The following ARMH4 variants were observed in gnomAD, a reference collection of about 807,000 sequenced individuals.
The protein encoded by ARMH4 is armadillo-like helical domain-containing protein 4.
ARMH4 carries 49 observed loss-of-function variants against 61.9 expected under a neutral mutation model. The ratio of observed to expected loss-of-function variants is 0.79; its 90% CI spans 0.63 to 1.00. The LOEUF (loss-of-function observed/expected upper bound fraction) is 1.00. ARMH4 is among the 50% of genes least tolerant of loss of function. The pLI, the probability that ARMH4 is intolerant of heterozygous loss-of-function variation, is 0.00. For missense variants in ARMH4, 934 were observed against 930.0 expected, an observed-to-expected ratio of 1.00 and a Z score of -0.06; for synonymous variants, 368 against 341.5, an observed-to-expected ratio of 1.08 and a Z score of -0.85.
chr14:58,103,386 C>T (rs926475935), intron 4 of ARMH4, among the ~76,000 whole-genome samples: 3 of 152,128 alleles, frequency 2.0e-5, no homozygotes, highest in Admixed American at 1.3e-4. Flanking sequence ...TGGGCTCATG[C>T]TCTTCTGCTC....
chr14:58,136,546 A>G lies in ARMH4; in HGVS notation c.1369+1444T>C, dbSNP rs551616452. ...AAATGAATTAGACATGTAAAATTCA[A>G]TCTTTCTTTTGTCATTTATCAAGTG... is the stretch of plus-strand genomic sequence containing the variant. On this transcript the variant is annotated intron_variant, in intron 2 of 7. Transcript: ENST00000267485. Among the ~76,000 whole-genome samples, 6 of 152,324 alleles carry G rather than the reference A, an allele frequency of 3.9e-5. No homozygotes were observed. The South Asian group carries it at 6.2e-4, about 16-fold the overall frequency.
intron 4 of ARMH4, among the ~76,000 whole-genome samples, chr14:58,114,925 A>G (rs1013987447): frequency 1.3e-5 from 2 of 152,122 alleles, no homozygotes; most frequent in Non-Finnish European, 2.9e-5. Context: ...AACTTTCACT[A>G]TGTACAAAAA....
Position 58,138,247 on chromosome 14 carries a change from T to C in ARMH4, c.1112A>G (p.Glu371Gly), listed in dbSNP as rs777027317. The C allele has an allele frequency of 1.4e-5, 22 of 1,614,236 alleles. No individual in the cohort carries two copies. The highest frequency in any genetic ancestry group is 1.9e-5 in the Non-Finnish European group (22 of 1,180,044). The change falls in exon 2 of 8, where the codon GAA becomes GGA. Residue 371 changes from glutamate (E) to glycine (G), a missense_variant. Transcript: ENST00000267485. ...GGCTGTGCCCGTGTGTGTTTCCCCT[T>C]CAGGCAGCCCCAGAGCCACCTGTGC... ...EAAQVALGLP[E>G]GETHTGTALL...
At chr14:58,048,035 T>C (rs1431177512) in intron 5 of ARMH4, among the ~76,000 whole-genome samples, 1 of 152,148 alleles carries the variant, frequency 6.6e-6, no homozygotes, top group Non-Finnish European at 1.5e-5. Context: ...GCCTTGGGTA[T>C]GATAGGGAGG....
At chr14:58,089,189 G>A (rs1178730705) in intron 5 of ARMH4, among the ~76,000 whole-genome samples, 1 of 152,122 alleles carries the variant, frequency 6.6e-6, no homozygotes, top group Admixed American at 6.6e-5. Context: ...TGGCAGCTTC[G>A]AGCAAACCTT....
intron 5 of ARMH4, among the ~76,000 whole-genome samples, chr14:58,076,269 A>C (rs189704844): frequency 2.6e-5 from 4 of 152,354 alleles, no homozygotes; most frequent in Non-Finnish European, 5.9e-5. Context: ...ATGTGCCTGG[A>C]AAACACTGTG....
chr14:58,103,762 T>C (rs1045180182), intron 4 of ARMH4, among the ~76,000 whole-genome samples: 13 of 152,204 alleles, frequency 8.5e-5, no homozygotes, highest in African/African-American at 3.1e-4. Flanking sequence ...CCCATTTATT[T>C]ATTTTTGAAG....
At chr14:58,010,416 G>A (rs1240860354) in intron 6 of ARMH4, among the ~76,000 whole-genome samples, 1 of 152,022 alleles carries the variant, frequency 6.6e-6, no homozygotes, top group African/African-American at 2.4e-5. Flanking sequence ...ATGGAAGAAG[G>A]CAGGGAATAT....
intron 2 of ARMH4, among the ~76,000 whole-genome samples, chr14:58,136,781 A>G (rs1433075928): frequency 1.3e-5 from 2 of 152,210 alleles, no homozygotes; most frequent in Non-Finnish European, 2.9e-5. Flanking sequence ...ATTATCCATC[A>G]ACAACAAATA....
chr14:58,124,887 G>A (rs754188222), intron 4 of ARMH4, among the ~76,000 whole-genome samples: 30 of 152,092 alleles, frequency 2.0e-4, no homozygotes, highest in Admixed American at 3.3e-4. Flanking sequence ...GCCCTCACTT[G>A]GGCACTAAAA....
Position 58,107,763 on chromosome 14 carries a change from CAAAAAAAA to C in ARMH4, c.1832-10790_1832-10783del, listed in dbSNP as rs34507217. Among the ~76,000 whole-genome samples, 3 of 97,340 alleles carry C rather than the reference CAAAAAAAA, an allele frequency of 3.1e-5. 1 individual carries two copies. Among genetic ancestry groups the C allele is most frequent in the South Asian group, 7.0e-4 (2 of 2,854 alleles). The allele number at this position is 97,340 out of a possible 152,430, so 63.9% of individuals were successfully genotyped here. ...TGGGCGACAGAGCAAGACTCCATCT[CAAAAAAAA>C]AAAAAAAAAAAAAATTAGCCCATGT... On this transcript the variant is annotated intron_variant, in intron 4 of 7. Transcript: ENST00000267485.
At chr14:58,151,728 A>AT (rs1887930847) in intron 1 of ARMH4, among the ~76,000 whole-genome samples, 1 of 152,212 alleles carries the variant, frequency 6.6e-6, no homozygotes, top group Non-Finnish European at 1.5e-5. Flanking sequence ...AAAGAGAAAG[A>AT]AAAGCCCACA....
intron 5 of ARMH4, among the ~76,000 whole-genome samples, chr14:58,016,607 C>A (rs55701552): frequency 6.6e-6 from 1 of 152,022 alleles, no homozygotes; most frequent in Non-Finnish European, 1.5e-5. Context: ...TTCCATAAAC[C>A]TTTGCAAACT....
chr14:58,055,601 TCA>T (rs1219639793), intron 5 of ARMH4, among the ~76,000 whole-genome samples: 13 of 152,192 alleles, frequency 8.5e-5, no homozygotes, highest in African/African-American at 3.1e-4. Context: ...TGCTCAAAGC[TCA>T]GTCCACAGAC....
chr14:58,080,057 A>G (rs9323327), intron 5 of ARMH4, among the ~76,000 whole-genome samples: 79,861 of 151,744 alleles, frequency 0.53, 21,356 homozygotes, highest in Middle Eastern at 0.6. Context: ...TTTGACTGCC[A>G]ACGATGCTAA....
chr14:58,040,244 T>G (rs1380688168), intron 5 of ARMH4, among the ~76,000 whole-genome samples: 11 of 152,050 alleles, frequency 7.2e-5, no homozygotes, highest in Non-Finnish European at 1.6e-4. Flanking sequence ...AGGGGTTTGG[T>G]GTACAGATTG....
intron 5 of ARMH4, among the ~76,000 whole-genome samples, chr14:58,041,755 C>T (rs936210937): frequency 6.6e-6 from 1 of 151,900 alleles, no homozygotes; most frequent in Non-Finnish European, 1.5e-5. Flanking sequence ...GGAAGATCTA[C>T]CAAGCAAATG....
intron 5 of ARMH4, among the ~76,000 whole-genome samples, chr14:58,035,123 T>A (rs2141171955): frequency 6.8e-6 from 1 of 147,854 alleles, no homozygotes; most frequent in South Asian, 2.2e-4. Context: ...ACCACACCTA[T>A]TCCAAAATTG....
intron 5 of ARMH4, among the ~76,000 whole-genome samples, chr14:58,045,810 G>T (rs1174676531): frequency 6.6e-6 from 1 of 152,152 alleles, no homozygotes; most frequent in Non-Finnish European, 1.5e-5. Context: ...ATAAGAAGAT[G>T]AAGAGAGAAC....
Sources: allele counts gnomAD v4.1 joint callset (sites outside exome capture counted in the v4.1 genomes callset), GRCh38; gene constraint gnomAD v4.1.1; transcripts MANE v1.5; gene names NCBI Gene and HGNC (gene_info 2026-07-23, HGNC 2026-07-21).